Variants in TLN2 observed in about 807,000 individuals in gnomAD.
TLN2 encodes talin-2.
In TLN2, 118 loss-of-function variants were observed where a neutral mutation model predicts 294.7. That is an observed-to-expected ratio of 0.40 (90% CI 0.34 to 0.47). The LOEUF is 0.47. TLN2 is among the 20% of genes least tolerant of loss of function. The pLI is 0.84. For missense variants in TLN2, 3,083 were observed against 3,282.2 expected, an observed-to-expected ratio of 0.94 and a Z score of 1.48; for synonymous variants, 1,431 against 1,304.5, an observed-to-expected ratio of 1.10 and a Z score of -2.09.
intron 42 of TLN2, among the ~76,000 whole-genome samples, chr15:62,776,119 T>C (rs544682390): frequency 1.1e-4 from 16 of 152,302 alleles, no homozygotes; most frequent in Admixed American, 4.6e-4. Context: ...TTTCATTGTT[T>C]TCATTCATTC....
chr15:62,736,198 T>C (rs1255917968), intron 28 of TLN2, among the ~76,000 whole-genome samples: 1 of 151,804 alleles, frequency 6.6e-6, no homozygotes, highest in Non-Finnish European at 1.5e-5. Context: ...TGGGCATCTG[T>C]AGTCCCAGAT....
chr15:62,659,048 A>T (rs1361927535), intron 9 of TLN2, among the ~76,000 whole-genome samples: 1 of 152,184 alleles, frequency 6.6e-6, no homozygotes, highest in Non-Finnish European at 1.5e-5. Flanking sequence ...GTAGCTGTGA[A>T]TCTATGTCTC....
At chr15:62,498,716 A>G (rs1506518) in intron 1 of TLN2, among the ~76,000 whole-genome samples, 46,151 of 151,956 alleles carry the variant, frequency 0.3, 8,347 homozygotes, top group African/African-American at 0.51. Context: ...CTTTCCCACA[A>G]AATTTGCTTC....
chr15:62,538,603 G>A (rs1448945957), intron 1 of TLN2, among the ~76,000 whole-genome samples: 1 of 152,074 alleles, frequency 6.6e-6, no homozygotes, highest in African/African-American at 2.4e-5. Flanking sequence ...CTTCCTCCTT[G>A]GTTTTAGATT....
intron 46 of TLN2, among the ~76,000 whole-genome samples, chr15:62,793,809 C>T (rs558748238): frequency 1.7e-5 from 2 of 118,736 alleles, no homozygotes; most frequent in Non-Finnish European, 4.0e-5. Context: ...TCATAGGACA[C>T]AGAGCTCTGT....
At chr15:62,783,430 G>A (rs993602942) in intron 44 of TLN2, among the ~76,000 whole-genome samples, 19 of 152,222 alleles carry the variant, frequency 1.2e-4, no homozygotes, top group African/African-American at 4.6e-4. Flanking sequence ...CGCTGGCGAG[G>A]GGCTGGCACA....
At chr15:62,652,774 A>G (rs1157707158) in intron 6 of TLN2, among the ~76,000 whole-genome samples, 1 of 152,024 alleles carries the variant, frequency 6.6e-6, no homozygotes, top group East Asian at 1.9e-4. Context: ...GTACGATTTC[A>G]CTACTACATT....
intron 42 of TLN2, among the ~76,000 whole-genome samples, chr15:62,771,751 C>G (rs2063362576): frequency 1.3e-5 from 2 of 152,300 alleles, no homozygotes; most frequent in South Asian, 4.1e-4. Flanking sequence ...GTGGTCTGAT[C>G]TATCTGGAGC....
intron 1 of TLN2, among the ~76,000 whole-genome samples, chr15:62,443,321 G>C (rs1305040225): frequency 1.3e-5 from 2 of 152,082 alleles, no homozygotes; most frequent in African/African-American, 4.8e-5. Flanking sequence ...TGCCCTTCCT[G>C]CTTCCTTAAC....
intron 48 of TLN2, among the ~76,000 whole-genome samples, chr15:62,798,320 G>A (rs1288133363): frequency 2.6e-5 from 4 of 152,162 alleles, no homozygotes; most frequent in Non-Finnish European, 5.9e-5. Context: ...CAATTTCATT[G>A]AGATTACTTG....
chr15:62,475,189 G>T (rs1463920226), intron 1 of TLN2, among the ~76,000 whole-genome samples: 2 of 152,126 alleles, frequency 1.3e-5, no homozygotes, highest in South Asian at 4.1e-4. Flanking sequence ...TTTCCTAAGA[G>T]ATATGGTAAT....
chr15:62,717,631 A>G lies in TLN2; in HGVS notation c.2819A>G (p.Asn940Ser), dbSNP rs2059866072. Reference sequence around the variant, plus strand: ...ACACAGACCATCGCCGCCTCCCAGAATGCAGCTGTTTCCAACAAGAACCCT... The same window carrying G: ...ACACAGACCATCGCCGCCTCCCAGAGTGCAGCTGTTTCCAACAAGAACCCT... ...AATQTIAASQ[N>S]AAVSNKNPAA... The change falls in exon 24 of 59, where the codon AAT becomes AGT. Residue 940 changes from asparagine to serine, a missense_variant. Coordinates refer to ENST00000636159, the MANE Select transcript of TLN2 (RefSeq NM_015059.3). 2 of 1,605,680 alleles carry G rather than the reference A, an allele frequency of 1.2e-6. No individual in the cohort carries two copies. The highest frequency in any genetic ancestry group is 1.7e-6 in the Non-Finnish European group (2 of 1,176,682).
chr15:62,835,935 C>T lies in TLN2; in HGVS notation c.7236C>T (p.Ala2412=), dbSNP rs975938547. 4.3e-6 allele frequency: 7 copies of T among 1,614,214 alleles called. No individual in the cohort carries two copies. The highest frequency in any genetic ancestry group is 5.9e-6 in the Non-Finnish European group (7 of 1,180,028). The change falls in exon 57 of 59, where the codon GCC becomes GCT. Residue 2412 remains alanine (A), a synonymous_variant. Coordinates refer to ENST00000636159, the MANE Select transcript of TLN2 (RefSeq NM_015059.3). ...AAATSSLCEA[A]NASVQGHASE... ...CGACCAGCAGTCTCTGTGAGGCGGCCAATGCCTCCGTTCAGGGACACGCCA... is the reference window on the plus strand; with the variant it reads ...CGACCAGCAGTCTCTGTGAGGCGGCTAATGCCTCCGTTCAGGGACACGCCA...
intron 3 of TLN2, chr15:62,640,320 G>A (rs950667423): frequency 3.3e-5 from 15 of 455,936 alleles, no homozygotes; most frequent in South Asian, 1.7e-4. Context: ...TCCAAAATTG[G>A]GCACAGAGGC....
intron 1 of TLN2, among the ~76,000 whole-genome samples, chr15:62,505,468 A>G (rs1340906681): frequency 6.6e-6 from 1 of 152,204 alleles, no homozygotes; most frequent in Non-Finnish European, 1.5e-5. Context: ...GAATCCTTCT[A>G]TTTAGCCAGT....
chr15:62,489,126 A>T (rs768440554), intron 1 of TLN2, among the ~76,000 whole-genome samples: 1 of 152,138 alleles, frequency 6.6e-6, no homozygotes, highest in Non-Finnish European at 1.5e-5. Context: ...GTGCCGCTGC[A>T]CTCCAGCCTG....
At chr15:62,583,694 G>A (rs969039848) in intron 1 of TLN2, among the ~76,000 whole-genome samples, 3 of 152,154 alleles carry the variant, frequency 2.0e-5, no homozygotes, top group Admixed American at 1.3e-4. Context: ...TTTAAGAACA[G>A]CTTATTTATT....
Position 62,657,837 on chromosome 15 carries a change from T to C in TLN2, c.727T>C (p.Phe243Leu), listed in dbSNP as rs2140960800. The change falls in exon 9 of 59, where the codon TTT becomes CTT. Residue 243 changes from phenylalanine to leucine, a missense_variant. Phe to Leu is a conservative substitution (Grantham distance 22). Transcript: ENST00000636159. ...CGAGAAAGCTTGTGAGTTTGGTGGA[T>C]TTCAAGCCCAGATACAATTTGGACC... ...SFEKACEFGGFQAQIQFGPHV... is the reference protein window; with the variant it reads ...SFEKACEFGGLQAQIQFGPHV... 2 of 1,614,014 alleles carry C rather than the reference T, an allele frequency of 1.2e-6. No individual in the cohort carries two copies. Among genetic ancestry groups the C allele is most frequent in the Non-Finnish European group, 1.7e-6 (2 of 1,179,972 alleles).
intron 1 of TLN2, among the ~76,000 whole-genome samples, chr15:62,533,868 A>G (rs1385261043): frequency 6.6e-6 from 1 of 152,160 alleles, no homozygotes; most frequent in Non-Finnish European, 1.5e-5. Flanking sequence ...GTGGTGTAAC[A>G]TGCATCCCAT....
Sources: allele counts gnomAD v4.1 joint callset (sites outside exome capture counted in the v4.1 genomes callset), GRCh38; gene constraint gnomAD v4.1.1; transcripts MANE v1.5; gene names NCBI Gene and HGNC (gene_info 2026-07-23, HGNC 2026-07-21).